CCSER1: variants seen among roughly 807,000 people sequenced by gnomAD.
CCSER1 encodes the protein serine-rich coiled-coil domain-containing protein 1.
CCSER1 carries 41 observed loss-of-function variants against 82.0 expected under a neutral mutation model. The observed-to-expected ratio is 0.50, with a 90% CI of 0.39 to 0.65. The LOEUF (loss-of-function observed/expected upper bound fraction) is 0.65, where lower values mean the gene tolerates loss of function less well. Ranked by LOEUF, CCSER1 falls within the 30% of genes least tolerant of loss-of-function variation. The pLI is 0.00. For missense variants in CCSER1, 1,119 were observed against 1,064.2 expected (o/e 1.05, Z -0.72); for synonymous variants, 414 against 383.9 (o/e 1.08, Z -0.92).
intron 10 of CCSER1, among the ~76,000 whole-genome samples, chr4:91,518,280 T>C (rs974252542): frequency 6.6e-6 from 1 of 152,142 alleles, no homozygotes; most frequent in African/African-American, 2.4e-5. Flanking sequence ...CAATTAGTGC[T>C]ATTGGCTCAT....
At chr4:90,570,205 C>A (rs1439452241) in intron 5 of CCSER1, among the ~76,000 whole-genome samples, 1 of 152,176 alleles carries the variant, frequency 6.6e-6, no homozygotes, top group Admixed American at 6.5e-5. Flanking sequence ...AAGGAGATGT[C>A]ATGATAAATG....
At chr4:90,202,205 T>G (rs1019568688) in intron 1 of CCSER1, among the ~76,000 whole-genome samples, 1 of 149,430 alleles carries the variant, frequency 6.7e-6, no homozygotes, top group Non-Finnish European at 1.5e-5. Context: ...AGTAAAACTT[T>G]TTTTTTTTTT....
chr4:91,160,857 A>C (rs1039328441), intron 10 of CCSER1, among the ~76,000 whole-genome samples: 1 of 151,900 alleles, frequency 6.6e-6, no homozygotes, highest in Admixed American at 6.6e-5. Flanking sequence ...TAGGTTGCCT[A>C]TTCACTCTGA....
At chr4:90,927,024 A>C (rs752501723) in intron 9 of CCSER1, among the ~76,000 whole-genome samples, 2 of 152,018 alleles carry the variant, frequency 1.3e-5, no homozygotes, top group Non-Finnish European at 2.9e-5. Flanking sequence ...AACTACTACA[A>C]ATAGCATTTT....
intron 6 of CCSER1, among the ~76,000 whole-genome samples, chr4:90,668,518 T>A (rs1732212301): frequency 6.6e-6 from 1 of 152,204 alleles, no homozygotes; most frequent in African/African-American, 2.4e-5. Flanking sequence ...AATTCATTTA[T>A]TATGAACAAA....
At chr4:90,264,688 C>CT (rs33922965) in intron 1 of CCSER1, among the ~76,000 whole-genome samples, 21 of 151,266 alleles carry the variant, frequency 1.4e-4, no homozygotes, top group Admixed American at 1.1e-3. Context: ...GTCTAATACA[C>CT]TTTTTTTTTT....
At chr4:90,359,279 T>G (rs994624219) in intron 3 of CCSER1, among the ~76,000 whole-genome samples, 9 of 152,212 alleles carry the variant, frequency 5.9e-5, no homozygotes, top group African/African-American at 1.7e-4. Flanking sequence ...TATATGAGAA[T>G]GCTTTCAAAA....
At chr4:90,723,832 A>T in intron 6 of CCSER1, 82 bp from the exon 7 acceptor site, 1 of 564,022 alleles carries the variant, frequency 1.8e-6, no homozygotes, top group South Asian at 4.1e-5. Context: ...TATTTTAATG[A>T]TTTATTTATT....
chr4:91,257,280 A>T (rs1740764582), intron 10 of CCSER1, among the ~76,000 whole-genome samples: 1 of 152,288 alleles, frequency 6.6e-6, no homozygotes, highest in Non-Finnish European at 1.5e-5. Flanking sequence ...TAGTCCACTA[A>T]CAAAGTAAAG....
At chr4:90,792,217 C>T (rs1297262840) in intron 7 of CCSER1, among the ~76,000 whole-genome samples, 3 of 151,986 alleles carry the variant, frequency 2.0e-5, no homozygotes, top group South Asian at 2.1e-4. Flanking sequence ...TATATTGATG[C>T]TCGAGTCCAT....
intron 1 of CCSER1, among the ~76,000 whole-genome samples, chr4:90,252,923 C>T (rs182129187): frequency 3.3e-5 from 5 of 151,862 alleles, no homozygotes; most frequent in African/African-American, 1.2e-4. Flanking sequence ...TTACTTTCTT[C>T]GTTTTTGCAT....
chr4:91,104,948 A>C (rs1331142998), intron 10 of CCSER1, among the ~76,000 whole-genome samples: 1 of 152,146 alleles, frequency 6.6e-6, no homozygotes, highest in Non-Finnish European at 1.5e-5. Context: ...ATTTTGTTAC[A>C]TGCATAGATT....
chr4:91,431,153 G>A (rs947668704), intron 10 of CCSER1, among the ~76,000 whole-genome samples: 2 of 152,012 alleles, frequency 1.3e-5, no homozygotes, highest in Non-Finnish European at 2.9e-5. Context: ...GGAGAATGGC[G>A]TGAACCCGGG....
intron 9 of CCSER1, among the ~76,000 whole-genome samples, chr4:90,927,872 A>G (rs1729256692): frequency 1.3e-5 from 2 of 152,044 alleles, no homozygotes; most frequent in South Asian, 4.1e-4. Flanking sequence ...ATAGAGCAGA[A>G]GTGTTTTTTG....
intron 9 of CCSER1, among the ~76,000 whole-genome samples, chr4:90,933,000 G>GAA (rs757940516): frequency 3.2e-5 from 2 of 63,282 alleles, no homozygotes; most frequent in South Asian, 3.6e-4. Flanking sequence ...AAGAAAGAAA[G>GAA]AAAGAAAGAA....
chr4:90,554,191 C>T (rs955261381), intron 5 of CCSER1, among the ~76,000 whole-genome samples: 1 of 151,678 alleles, frequency 6.6e-6, no homozygotes. Flanking sequence ...AAGACTCTGC[C>T]TTTACAAAAA....
chr4:90,274,856 A>G (rs1392296449), intron 1 of CCSER1, among the ~76,000 whole-genome samples: 1 of 152,174 alleles, frequency 6.6e-6, no homozygotes, highest in Non-Finnish European at 1.5e-5. Flanking sequence ...AAAAGATCAA[A>G]TTAGAAATAG....
intron 8 of CCSER1, among the ~76,000 whole-genome samples, chr4:90,879,488 GGAAGAAGAAGAAGAA>G (rs35201115): frequency 4.1e-5 from 5 of 122,630 alleles, no homozygotes; most frequent in Admixed American, 1.7e-4. Context: ...TAATAAAAGA[GGAAGAAGAAGAAGAA>G]GAAGAAGAAG....
intron 3 of CCSER1, among the ~76,000 whole-genome samples, chr4:90,352,197 G>T (rs190117512): frequency 2.6e-5 from 4 of 151,894 alleles, no homozygotes; most frequent in African/African-American, 9.7e-5. Context: ...GGTGGCGGGC[G>T]CCTGTTGTCC....
Sources: gnomAD v4.1 joint callset for allele counts (sites outside exome capture counted in the v4.1 genomes callset) on GRCh38, gnomAD v4.1.1 for gene constraint, MANE v1.5 for transcripts, NCBI Gene and HGNC (gene_info 2026-07-23, HGNC 2026-07-21) for gene names.